The following ITGAV variants were observed in gnomAD, a reference collection of about 807,000 sequenced individuals.
The protein encoded by ITGAV is integrin subunit alpha V.
ITGAV carries 76 observed loss-of-function variants against 143.8 expected under a neutral mutation model. The observed-to-expected ratio is 0.53, with a 90% CI of 0.44 to 0.64. The LOEUF is 0.64. Ranked by LOEUF, ITGAV falls within the 30% of genes least tolerant of loss-of-function variation. ITGAV has a pLI of 0.00. For missense variants in ITGAV, 1,193 were observed against 1,274.7 expected (o/e 0.94, Z 0.98); for synonymous variants, 453 against 446.7 (o/e 1.01, Z -0.18).
chr2:186,630,017 T>C (rs1427762003), intron 4 of ITGAV, among the ~76,000 whole-genome samples: 1 of 152,098 alleles, frequency 6.6e-6, no homozygotes, highest in African/African-American at 2.4e-5. Flanking sequence ...GAGCCTACTA[T>C]GGTTGGAAAA....
intron 1 of ITGAV, among the ~76,000 whole-genome samples, chr2:186,598,665 G>A (rs922451484): frequency 6.6e-6 from 1 of 152,090 alleles, no homozygotes; most frequent in African/African-American, 2.4e-5. Context: ...CTGACCTCAA[G>A]TGATCTGTCT....
chr2:186,667,688 A>T lies in ITGAV; in HGVS notation c.2345A>T (p.His782Leu), dbSNP rs199914502. 1 of 1,605,120 alleles carries T rather than the reference A, an allele frequency of 6.2e-7. No individual in the cohort carries two copies. Among genetic ancestry groups the T allele is most frequent in the Non-Finnish European group, 8.5e-7 (1 of 1,172,658 alleles). ...VEIRGVSSPD[H>L]VFLPIPNWEH... ...TTGTTTAGAGTCTCGAGTCCTGATCATGTCTTTCTTCCGATTCCAAACTGG... is the reference window on the plus strand; with the variant it reads ...TTGTTTAGAGTCTCGAGTCCTGATCTTGTCTTTCTTCCGATTCCAAACTGG... The change falls in exon 24 of 30, where the codon CAT becomes CTT. Residue 782 changes from histidine (H) to leucine (L), a missense_variant. Coordinates refer to ENST00000261023, the MANE Select transcript of ITGAV (RefSeq NM_002210.5).
chr2:186,643,776 T>C (rs1301659655), intron 12 of ITGAV, among the ~76,000 whole-genome samples: 1 of 152,050 alleles, frequency 6.6e-6, no homozygotes, highest in African/African-American at 2.4e-5. Flanking sequence ...AAGAAATCAA[T>C]TGCATGAATG....
intron 4 of ITGAV, 22 bp from the exon 5 acceptor site, chr2:186,630,775 A>G (rs1464066837): frequency 6.5e-6 from 9 of 1,395,098 alleles, no homozygotes; most frequent in African/African-American, 1.4e-5. Flanking sequence ...GTTTGTGTAT[A>G]TTTCCAATCT....
intron 20 of ITGAV, 100 bp from the exon 21 acceptor site, chr2:186,665,026 C>A: frequency 1.3e-6 from 1 of 771,734 alleles, no homozygotes; most frequent in Non-Finnish European, 2.1e-6. Context: ...GTTTGCTCAA[C>A]TAGATTTATT....
At chr2:186,602,979 G>A (rs1686955485) in intron 2 of ITGAV, among the ~76,000 whole-genome samples, 1 of 151,966 alleles carries the variant, frequency 6.6e-6, no homozygotes, top group Admixed American at 6.6e-5. Context: ...TATATATTAT[G>A]GTTCTGATAA....
In ITGAV at chr2:186,590,389, G is replaced by T. The variant is rs766343568; in HGVS notation, c.51G>T (p.Pro17=). Residue 17 remains proline, a synonymous_variant, in exon 1 of 30, where the codon CCG becomes CCT. Transcript: ENST00000261023. ...RRLRLGPRGL[P]LLLSGLLLPL... ...TGCGCCTCGGTCCCCGCGGCCTCCC[G>T]CTTCTTCTCTCGGGACTCCTGCTAC... The T allele has an allele frequency of 6.2e-7, 1 of 1,601,010 alleles. No homozygotes were observed. Among genetic ancestry groups the T allele is most frequent in the South Asian group, 1.1e-5 (1 of 90,022 alleles).
chr2:186,609,429 A>G (rs897556602), intron 2 of ITGAV, among the ~76,000 whole-genome samples: 1 of 152,152 alleles, frequency 6.6e-6, no homozygotes, highest in Non-Finnish European at 1.5e-5. Context: ...AAGAAGACAG[A>G]TGGACACTTT....
Position 186,638,336 on chromosome 2 carries a change from G to C in ITGAV, c.846+16G>C, listed in dbSNP as rs1232633057. 1.2e-6 allele frequency: 2 copies of C among 1,612,358 alleles called. No individual in the cohort carries two copies. The highest frequency in any genetic ancestry group is 2.7e-5 in the African/African-American group (2 of 74,950). ...TTTGGGAATGGTAGGACAGTTAAAA[G>C]GTATTTTTTAAAAAATCTCTAAGTT... On this transcript the variant is annotated intron_variant, in intron 9 of 29. Transcript: ENST00000261023.
chr2:186,651,579 GT>G (rs571167937), intron 14 of ITGAV, among the ~76,000 whole-genome samples: 6 of 150,800 alleles, frequency 4.0e-5, no homozygotes, highest in African/African-American at 9.8e-5. Flanking sequence ...TACTTTTTGG[GT>G]TTTTTTTTCT....
intron 4 of ITGAV, 50 bp from the exon 5 acceptor site, chr2:186,630,747 T>C (rs1440515651): frequency 1.0e-6 from 1 of 981,490 alleles, no homozygotes; most frequent in Non-Finnish European, 1.6e-6. Context: ...TGTTTTGTTT[T>C]GTGTTGTTTG....
intron 2 of ITGAV, among the ~76,000 whole-genome samples, chr2:186,610,702 AAC>A (rs1559042002): frequency 6.6e-6 from 1 of 152,196 alleles, no homozygotes; most frequent in Non-Finnish European, 1.5e-5. Flanking sequence ...GTGAAAATGA[AAC>A]AGTTATTTTG....
rs148027348 is a variant in ITGAV, at chr2:186,645,734, G to A, written c.1160-952G>A. 8.4e-4 allele frequency among the ~76,000 whole-genome samples: 128 copies of A among 152,222 alleles called. 1 individual carries two copies. In the South Asian group the frequency reaches 0.012, roughly 15 times the overall value. ...TGTAATCCCCCCACTTTGGGAGGCC[G>A]AGGTGTGTGGATCACGAGGTCAGGA... On this transcript the variant is annotated intron_variant, in intron 12 of 29. Transcript: ENST00000261023.
At chr2:186,641,312 TGTA>T (rs1284590848) in intron 11 of ITGAV, 71 bp from the exon 12 acceptor site, 25 of 1,137,558 alleles carry the variant, frequency 2.2e-5, no homozygotes, top group Admixed American at 8.9e-5. Flanking sequence ...AAAAGTGAGT[TGTA>T]GTAAGAAAGA....
At chr2:186,648,729 G>A (rs1003209161) in intron 13 of ITGAV, among the ~76,000 whole-genome samples, 1 of 152,016 alleles carries the variant, frequency 6.6e-6, no homozygotes, top group Non-Finnish European at 1.5e-5. Context: ...TCCTGACTTC[G>A]TGATCTGCCT....
intron 15 of ITGAV, among the ~76,000 whole-genome samples, chr2:186,652,877 C>T (rs1008668562): frequency 6.6e-6 from 1 of 150,380 alleles, no homozygotes; most frequent in Non-Finnish European, 1.5e-5. Flanking sequence ...TTCTTTCTCT[C>T]ATCTTTGTCA....
intron 28 of ITGAV, 64 bp downstream of exon 28, chr2:186,675,991 T>G: frequency 1.1e-6 from 1 of 927,434 alleles, no homozygotes; most frequent in Non-Finnish European, 1.7e-6. Context: ...CATGTTTTTA[T>G]TTTGTTTTTT....
chr2:186,661,534 A>T (rs1242168028), intron 18 of ITGAV, among the ~76,000 whole-genome samples: 1 of 151,990 alleles, frequency 6.6e-6, no homozygotes, highest in African/African-American at 2.4e-5. Context: ...CTTTCTGCAG[A>T]AAGAGTTGGG....
intron 2 of ITGAV, among the ~76,000 whole-genome samples, chr2:186,612,583 G>A (rs1222777901): frequency 6.6e-6 from 1 of 152,148 alleles, no homozygotes; most frequent in Non-Finnish European, 1.5e-5. Flanking sequence ...CAGTTCTGTG[G>A]TCAAGAAAAA....
Sources: allele counts gnomAD v4.1 joint callset (sites outside exome capture counted in the v4.1 genomes callset), GRCh38; gene constraint gnomAD v4.1.1; transcripts MANE v1.5; gene names NCBI Gene and HGNC (gene_info 2026-07-23, HGNC 2026-07-21).